Variants in TBC1D22A observed in about 807,000 individuals in gnomAD.
TBC1D22A encodes putative GTPase activator.
Under a neutral mutation model 60.2 loss-of-function variants are expected in TBC1D22A, and 38 were observed. The ratio of observed to expected loss-of-function variants is 0.63; its 90% CI spans 0.49 to 0.83. The LOEUF (loss-of-function observed/expected upper bound fraction) is 0.83. Among genes scored for constraint, TBC1D22A ranks in the 40% least tolerant of loss-of-function variants. The probability of loss-of-function intolerance (pLI) is 0.00; values close to 1 mark genes in which losing one functional copy is unlikely to be tolerated. For synonymous variants in TBC1D22A, 302 were observed against 281.7 expected, an observed-to-expected ratio of 1.07 and a Z score of -0.72; for missense variants, 628 against 701.0, an observed-to-expected ratio of 0.90 and a Z score of 1.18.
At chr22:47,094,387 T>C (rs750129557) in intron 11 of TBC1D22A, among the ~76,000 whole-genome samples, 1 of 152,150 alleles carries the variant, frequency 6.6e-6, no homozygotes, top group Non-Finnish European at 1.5e-5. Context: ...GTGGGTCTCA[T>C]CCCATCCGTT....
At chr22:46,775,113 C>T (rs955083156) in intron 1 of TBC1D22A, among the ~76,000 whole-genome samples, 3 of 152,220 alleles carry the variant, frequency 2.0e-5, no homozygotes, top group African/African-American at 7.2e-5. Flanking sequence ...CCATCAGTGG[C>T]TCGGGATGTG....
At chr22:46,914,873 T>C (rs2070238321) in intron 8 of TBC1D22A, 1 of 157,414 alleles carries the variant, frequency 6.4e-6, no homozygotes. Flanking sequence ...GTAATTAACA[T>C]TCACATTATC....
At chr22:46,813,645 G>C (rs1601971458) in intron 4 of TBC1D22A, among the ~76,000 whole-genome samples, 4 of 152,356 alleles carry the variant, frequency 2.6e-5, no homozygotes, top group East Asian at 1.9e-4. Context: ...GGTAGAACTA[G>C]GGAGGGTTAG....
intron 5 of TBC1D22A, among the ~76,000 whole-genome samples, chr22:46,884,440 G>A (rs2068008437): frequency 6.6e-6 from 1 of 152,226 alleles, no homozygotes; most frequent in South Asian, 2.1e-4. Flanking sequence ...TGATGAAGAG[G>A]GAGAACAGTA....
At chr22:47,021,775 G>T (rs544199826) in intron 10 of TBC1D22A, among the ~76,000 whole-genome samples, 1 of 152,368 alleles carries the variant, frequency 6.6e-6, no homozygotes, top group South Asian at 2.1e-4. Flanking sequence ...CTAATAAAAT[G>T]AACAAAGGAC....
At chr22:47,041,284 C>G (rs2062836138) in intron 11 of TBC1D22A, among the ~76,000 whole-genome samples, 1 of 152,220 alleles carries the variant, frequency 6.6e-6, no homozygotes, top group South Asian at 2.1e-4. Context: ...TCACGCAGGG[C>G]TGGCTGTAAA....
intron 11 of TBC1D22A, among the ~76,000 whole-genome samples, chr22:47,074,638 G>A (rs73888862): frequency 0.011 from 1,600 of 152,332 alleles, 32 homozygotes; most frequent in African/African-American, 0.036. Context: ...ATCTTTTGGA[G>A]TGCTTTTTGA....
intron 10 of TBC1D22A, among the ~76,000 whole-genome samples, chr22:47,016,815 C>T (rs569005223): frequency 2.6e-5 from 4 of 152,344 alleles, no homozygotes; most frequent in South Asian, 2.1e-4. Flanking sequence ...GGGTGGCATG[C>T]GGAGGGGGCT....
chr22:47,020,918 T>G (rs1205063752), intron 10 of TBC1D22A, among the ~76,000 whole-genome samples: 1 of 151,744 alleles, frequency 6.6e-6, no homozygotes, highest in Non-Finnish European at 1.5e-5. Context: ...GCTAGAGATT[T>G]CCCTTTGCTT....
chr22:46,856,053 G>C (rs917118019), intron 4 of TBC1D22A, among the ~76,000 whole-genome samples: 1 of 152,204 alleles, frequency 6.6e-6, no homozygotes, highest in Non-Finnish European at 1.5e-5. Flanking sequence ...CGGCAGTGCT[G>C]AGAGGCTGCC....
chr22:46,884,571 T>C (rs922181014), intron 5 of TBC1D22A, among the ~76,000 whole-genome samples: 7 of 152,176 alleles, frequency 4.6e-5, no homozygotes, highest in African/African-American at 1.4e-4. Context: ...GGCCAGCGGC[T>C]GTCCTCGAAA....
chr22:47,168,236 T>G (rs1419660315), intron 12 of TBC1D22A, among the ~76,000 whole-genome samples: 1 of 146,224 alleles, frequency 6.8e-6, no homozygotes, highest in African/African-American at 2.6e-5. Flanking sequence ...AGCAAAGTGC[T>G]GTGGGCTCGG....
chr22:47,050,692 G>C (rs553582662), intron 11 of TBC1D22A, among the ~76,000 whole-genome samples: 4 of 152,142 alleles, frequency 2.6e-5, no homozygotes, highest in African/African-American at 9.6e-5. Context: ...GATGGGTGGG[G>C]CCCGGAGTCA....
chr22:47,111,233 G>A (rs2065834827), intron 11 of TBC1D22A, among the ~76,000 whole-genome samples: 1 of 152,246 alleles, frequency 6.6e-6, no homozygotes, highest in South Asian at 2.1e-4. Context: ...GTCTGCGCAA[G>A]AGAGAAGAAT....
At chr22:46,991,344 A>G (rs542392728) in intron 9 of TBC1D22A, among the ~76,000 whole-genome samples, 80 of 152,302 alleles carry the variant, frequency 5.3e-4, no homozygotes, top group Non-Finnish European at 6.6e-4. Context: ...GAAGACGTCA[A>G]GGGGATCCGT....
intron 8 of TBC1D22A, among the ~76,000 whole-genome samples, chr22:46,971,332 C>A (rs548690057): frequency 1.3e-5 from 2 of 152,320 alleles, no homozygotes; most frequent in East Asian, 3.9e-4. Flanking sequence ...CAGAGGCTGT[C>A]AAGGTCTGGG....
intron 8 of TBC1D22A, among the ~76,000 whole-genome samples, chr22:46,938,518 T>G (rs2071792109): frequency 6.6e-6 from 1 of 152,044 alleles, no homozygotes; most frequent in Non-Finnish European, 1.5e-5. Flanking sequence ...TTTTTTTATC[T>G]TTATCTGGAA....
At chr22:46,875,613 G>T (rs1259296579) in intron 4 of TBC1D22A, among the ~76,000 whole-genome samples, 1 of 152,026 alleles carries the variant, frequency 6.6e-6, no homozygotes. Flanking sequence ...CATGATGCTT[G>T]GCTAATTTTT....
chr22:46,901,349 C>T (rs1476863292), intron 7 of TBC1D22A, among the ~76,000 whole-genome samples: 1 of 152,166 alleles, frequency 6.6e-6, no homozygotes, highest in Non-Finnish European at 1.5e-5. Context: ...GCGTTGTTTT[C>T]TCTGGTAATA....
Sources: allele counts gnomAD v4.1 joint callset (sites outside exome capture counted in the v4.1 genomes callset), GRCh38; gene constraint gnomAD v4.1.1; transcripts MANE v1.5; gene names NCBI Gene and HGNC (gene_info 2026-07-23, HGNC 2026-07-21).